The following FOLH1 variants were observed in gnomAD, a reference collection of about 807,000 sequenced individuals.
The protein encoded by FOLH1 is folate hydrolase 1.
In FOLH1, 54 loss-of-function variants were observed where a neutral mutation model predicts 93.9. The observed-to-expected ratio is 0.57, with a 90% confidence interval of 0.46 to 0.72. The LOEUF (loss-of-function observed/expected upper bound fraction) is 0.72, where lower values mean the gene tolerates loss of function less well. FOLH1 is among the 30% of genes least tolerant of loss of function. The probability of loss-of-function intolerance (pLI) is 0.00; values close to 1 mark genes in which losing one functional copy is unlikely to be tolerated. For missense variants in FOLH1, 571 were observed against 892.5 expected, an observed-to-expected ratio of 0.64 and a Z score of 4.59; for synonymous variants, 249 against 303.6, an observed-to-expected ratio of 0.82 and a Z score of 1.87.
intron 12 of FOLH1, among the ~76,000 whole-genome samples, chr11:49,165,771 AAT>A (rs1275660144): frequency 3.9e-5 from 6 of 152,244 alleles, no homozygotes; most frequent in Non-Finnish European, 8.8e-5. Context: ...AGGCTTTTAA[AAT>A]AGTGACACCA....
intron 1 of FOLH1, 65 bp downstream of exon 1, chr11:49,208,227 C>A: frequency 8.3e-7 from 1 of 1,205,358 alleles, no homozygotes; most frequent in Non-Finnish European, 1.1e-6. Context: ...AGCTGACCCG[C>A]GAGTCCCAGC....
chr11:49,161,739 G>A (rs957801018), intron 13 of FOLH1, among the ~76,000 whole-genome samples: 1 of 152,038 alleles, frequency 6.6e-6, no homozygotes. Context: ...GTACTTCAGT[G>A]TGTTTTTGTC....
intron 13 of FOLH1, among the ~76,000 whole-genome samples, chr11:49,161,272 A>G (rs995026584): frequency 3.9e-5 from 6 of 152,198 alleles, no homozygotes; most frequent in African/African-American, 1.4e-4. Flanking sequence ...GTCTCTTTGA[A>G]GGTCTCTAAG....
chr11:49,153,028 C>T (rs1439207739), intron 17 of FOLH1, among the ~76,000 whole-genome samples: 5 of 152,082 alleles, frequency 3.3e-5, no homozygotes, highest in Non-Finnish European at 7.4e-5. Context: ...GATCACCAAG[C>T]CTATTTCTAC....
rs115330584 is a variant in FOLH1 at position 49,192,354 on chromosome 11, G to A, written c.513+439C>T. Reference sequence around the variant, plus strand: ...AATTAAGGATCTCTTTTCAACAAAGGAAAACACAGAGTGAACAAAAAGATG... The same window carrying A: ...AATTAAGGATCTCTTTTCAACAAAGAAAAACACAGAGTGAACAAAAAGATG... On this transcript the variant is annotated intron_variant, in intron 4 of 18. Coordinates refer to ENST00000256999, the MANE Select transcript of FOLH1 (RefSeq NM_004476.3). Among the ~76,000 whole-genome samples, 1,021 of 152,200 alleles carry A rather than the reference G, an allele frequency of 6.7e-3. 14 individuals carry two copies. Among genetic ancestry groups the A allele is most frequent in the African/African-American group, 0.023 (975 of 41,526 alleles).
intron 4 of FOLH1, among the ~76,000 whole-genome samples, chr11:49,187,792 C>T (rs984058355): frequency 3.3e-5 from 5 of 152,242 alleles, no homozygotes; most frequent in African/African-American, 4.8e-5. Context: ...AGGATTGCCT[C>T]AGCTGTAGAC....
At position 49,146,584 on chromosome 11, in the gene FOLH1, A is replaced by G; in HGVS notation, c.*172T>C. 1 of 580,944 alleles carries G rather than the reference A, an allele frequency of 1.7e-6. No homozygotes were observed. The highest frequency in any genetic ancestry group is 2.7e-6 in the Non-Finnish European group (1 of 365,992). The allele number at this position is 580,944 out of a possible 1,614,324, so 36.0% of individuals were successfully genotyped here. ...ATTATGAAATTCAGTTTTAATCCAT[A>G]GGGAGAAGATAAACAATATAAACAC... On this transcript the variant is annotated 3_prime_UTR_variant, in exon 19 of 19. Coordinates refer to ENST00000256999, the MANE Select transcript of FOLH1 (RefSeq NM_004476.3).
intron 1 of FOLH1, 150 bp downstream of exon 1, chr11:49,208,142 A>G (rs1280098764): frequency 1.6e-6 from 1 of 632,900 alleles, no homozygotes; most frequent in Non-Finnish European, 2.8e-6. Flanking sequence ...TCCTAACTCG[A>G]GGGGTGCTCA....
At chr11:49,153,993 T>C (rs1277601965) in intron 16 of FOLH1, 66 bp from the exon 17 acceptor site, 2 of 1,400,164 alleles carry the variant, frequency 1.4e-6, no homozygotes, top group Non-Finnish European at 1.9e-6. Context: ...TGCTCTATAG[T>C]TCAAGAAAAG....
At position 49,185,842 on chromosome 11, in the gene FOLH1, T is replaced by C. The variant is rs781633225; in HGVS notation, c.653A>G (p.Gln218Arg). 1.9e-6 allele frequency: 3 copies of C among 1,544,998 alleles called. No individual in the cohort carries two copies. The highest frequency in any genetic ancestry group is 2.6e-6 in the Non-Finnish European group (3 of 1,151,666). The change falls in exon 6 of 19, where the codon CAG (glutamine) becomes CGG (arginine). Residue 218 changes from glutamine to arginine, a missense_variant. Around this residue, in one of 2 missense-constraint regions of FOLH1, gnomAD observed 500 missense variants for 822.9 expected, o/e 0.61. Transcript: ENST00000256999. ...VFRGNKVKNA[Q>R]LAGAKGVILY... ...AATGACTCCTTTGGCCCCTGCCAGC[T>C]GGGCATTTTTAACCTAGAAAACACA... is the stretch of plus-strand genomic sequence containing the variant.
At chr11:49,159,703 AG>A (rs1857453819) in intron 13 of FOLH1, among the ~76,000 whole-genome samples, 1 of 152,154 alleles carries the variant, frequency 6.6e-6, no homozygotes, top group Non-Finnish European at 1.5e-5. Context: ...CAATAGAAAT[AG>A]TACCAGCCCT....
chr11:49,150,925 A>G (rs1239773123), intron 17 of FOLH1, among the ~76,000 whole-genome samples: 1 of 152,190 alleles, frequency 6.6e-6, no homozygotes, highest in African/African-American at 2.4e-5. Flanking sequence ...GCATTTAGTG[A>G]TCATTTCCTA....
At chr11:49,158,749 C>T (rs1192387606) in intron 13 of FOLH1, among the ~76,000 whole-genome samples, 1 of 152,138 alleles carries the variant, frequency 6.6e-6, no homozygotes, top group Non-Finnish European at 1.5e-5. Context: ...GATATTGATT[C>T]TTCCTATCCA....
Position 49,173,467 on chromosome 11 carries a change from A to G in FOLH1, c.1115T>C (p.Val372Ala), listed in dbSNP as rs752888961. ...TGAGTCCCGGTGACCTCCCAGAATG[A>G]CATATCTGTCTAGAAAGCATAGATA... ...LRGAVEPDRY[V>A]ILGGHRDSWV... Residue 372 changes from valine (V) to alanine (A), a missense_variant, in exon 10 of 19, where the codon GTC (valine) becomes GCC (alanine). Physicochemically the swap from Val to Ala is moderately conservative, Grantham distance 64. Transcript: ENST00000256999. 26 of 1,605,544 alleles carry G rather than the reference A, an allele frequency of 1.6e-5. No individual in the cohort carries two copies. Among genetic ancestry groups the G allele is most frequent in the Non-Finnish European group, 1.8e-5 (21 of 1,174,858 alleles).
chr11:49,189,506 C>T (rs1861788910), intron 4 of FOLH1, among the ~76,000 whole-genome samples: 1 of 152,182 alleles, frequency 6.6e-6, no homozygotes, highest in African/African-American at 2.4e-5. Flanking sequence ...ACTTACACTG[C>T]AGGTCCTCCT....
Position 49,181,053 on chromosome 11 carries a change from A to C in FOLH1, c.920+2096T>G, listed in dbSNP as rs375538597. ...AATAAATCTCACATCTAATTCCATA[A>C]TATTATGCATCCCTCTTTTGTAATT... On this transcript the variant is annotated intron_variant, in intron 7 of 18. Transcript: ENST00000256999. 3.3e-5 allele frequency among the ~76,000 whole-genome samples: 5 copies of C among 152,094 alleles called. No individual in the cohort carries two copies. The East Asian group carries it at 9.6e-4, about 29-fold the overall frequency.
intron 4 of FOLH1, 77 bp from the exon 5 acceptor site, chr11:49,186,846 T>G: frequency 1.4e-6 from 2 of 1,478,648 alleles, no homozygotes; most frequent in South Asian, 3.0e-5. Flanking sequence ...CTGTTGGACA[T>G]TTTTGAAAGA....
At chr11:49,176,005 A>G (rs1359567999) in intron 7 of FOLH1, 48 bp from the exon 8 acceptor site, 1 of 1,553,984 alleles carries the variant, frequency 6.4e-7, no homozygotes, top group Non-Finnish European at 8.9e-7. Flanking sequence ...ACCTTGAAGT[A>G]ACGCATTAAA....
chr11:49,165,499 C>A (rs549792855), intron 12 of FOLH1, among the ~76,000 whole-genome samples: 1 of 152,236 alleles, frequency 6.6e-6, no homozygotes, highest in East Asian at 1.9e-4. Flanking sequence ...TCTTGGGAAG[C>A]CAACACAGCA....
Sources: gnomAD v4.1 joint callset for allele counts (sites outside exome capture counted in the v4.1 genomes callset) on GRCh38, gnomAD v4.1.1 for gene constraint, gnomAD v4.1.1 regional missense constraint, MANE v1.5 for transcripts, NCBI Gene and HGNC (gene_info 2026-07-23, HGNC 2026-07-21) for gene names.